GOLGA6L2: variants seen among roughly 807,000 people sequenced by gnomAD.
GOLGA6L2 encodes golgin subfamily A member 6-like protein 2.
GOLGA6L2 carries 30 observed loss-of-function variants against 35.9 expected under a neutral mutation model. The ratio of observed to expected loss-of-function variants is 0.83; its 90% CI spans 0.62 to 1.13. The LOEUF (loss-of-function observed/expected upper bound fraction) is 1.13, where lower values mean the gene tolerates loss of function less well. Among genes scored for constraint, GOLGA6L2 ranks in the 50% most tolerant of loss-of-function variants. The probability of loss-of-function intolerance (pLI) is 0.00; values close to 1 mark genes in which losing one functional copy is unlikely to be tolerated. For synonymous variants in GOLGA6L2, 297 were observed against 344.0 expected, an observed-to-expected ratio of 0.86 and a Z score of 1.51; for missense variants, 821 against 973.4, an observed-to-expected ratio of 0.84 and a Z score of 2.08.
At position 23,439,464 on chromosome 15, in the gene GOLGA6L2, T is replaced by TC; in HGVS notation, c.*280dup. On this transcript the variant is annotated 3_prime_UTR_variant, in exon 8 of 8. Coordinates refer to ENST00000567107, the MANE Select transcript of GOLGA6L2 (RefSeq NM_001304388.2). ...TTTCTTTTCTTTTTTTTTTTTTTTTTCAAGTTTGTGCTCAGACTATATTCA... is the reference window on the plus strand; with the variant it reads ...TTTCTTTTCTTTTTTTTTTTTTTTTTCCAAGTTTGTGCTCAGACTATATTCA... The TC allele has an allele frequency of 1.3e-5, 8 of 639,654 alleles. No individual in the cohort carries two copies. The South Asian group carries it at 2.0e-4, about 16-fold the overall frequency. The allele number at this position is 639,654 out of a possible 1,614,324, so 39.6% of individuals were successfully genotyped here.
chr15:23,439,780 T>C lies in GOLGA6L2; in HGVS notation c.2695A>G (p.Arg899Gly). Residue 899 changes from arginine (R) to glycine (G), a missense_variant, in exon 8 of 8, where the codon AGA becomes GGA. Physicochemically the swap from Arg to Gly is moderately radical, Grantham distance 125. This residue lies in a region of GOLGA6L2 where 48 missense variants were observed against 42.7 expected (regional missense o/e 1.12). Transcript: ENST00000567107. ...CTTTGGAGGGAGGGAGGCAGGGCTC[T>C]GAGCACCGCTCCTCGTGCTCTGGCA... ...EAARARGAVL[R>G]ALPPSLQSSL The C allele has an allele frequency of 6.5e-7, 1 of 1,535,696 alleles. No individual in the cohort carries two copies. The highest frequency in any genetic ancestry group is 8.7e-7 in the Non-Finnish European group (1 of 1,146,672).
intron 5 of GOLGA6L2, 32 bp downstream of exon 5, chr15:23,443,745 T>C: frequency 1.3e-6 from 2 of 1,498,950 alleles, no homozygotes; most frequent in Non-Finnish European, 1.8e-6. Context: ...GAAGCTGGGA[T>C]CCCAGGAGAC....
Position 23,439,450 on chromosome 15 carries a change from T to G in GOLGA6L2, c.*295A>C. On this transcript the variant is annotated 3_prime_UTR_variant, in exon 8 of 8. Coordinates refer to ENST00000567107, the MANE Select transcript of GOLGA6L2 (RefSeq NM_001304388.2). ...AATTTAAAGTAAATTTTCTTTTCTT[T>G]TTTTTTTTTTTTTTCAAGTTTGTGC... 1.7e-6 allele frequency: 1 copy of G among 603,230 alleles called. No individual in the cohort carries two copies. The highest frequency in any genetic ancestry group is 2.5e-5 in the South Asian group (1 of 39,544). 37.4% of individuals were successfully genotyped at this position (603,230 alleles called of 1,614,324 possible).
rs1440949358 is a variant in GOLGA6L2 at position 23,439,095 on chromosome 15, A to C, written c.*650T>G. The stretch of plus-strand genomic sequence containing the variant: ...TAAAACAAAACAAGACTAAATGAGA[A>C]AGACCAAGAAGAAAAACAATAGAAA... On this transcript the variant is annotated 3_prime_UTR_variant, in exon 8 of 8. Transcript: ENST00000567107. 6.6e-6 allele frequency among the ~76,000 whole-genome samples: 1 copy of C among 151,924 alleles called. No individual in the cohort carries two copies. Among genetic ancestry groups the C allele is most frequent in the African/African-American group, 2.4e-5 (1 of 41,408 alleles).
chr15:23,443,402 G>A (rs1432796457), intron 5 of GOLGA6L2, among the ~76,000 whole-genome samples: 4 of 126,836 alleles, frequency 3.2e-5, no homozygotes, highest in East Asian at 2.4e-4. Context: ...ACACACACAC[G>A]CACATGCACA....
chr15:23,441,728 A>G (rs1455938733), intron 7 of GOLGA6L2, 46 bp from the exon 8 acceptor site: 1 of 1,436,174 alleles, frequency 7.0e-7, no homozygotes, highest in East Asian at 2.5e-5. Flanking sequence ...AATGTAATCT[A>G]TAAAATAACA....
rs565521161 is a variant in GOLGA6L2, at chr15:23,439,788, G to T, written c.2687C>A (p.Ala896Glu). 1 of 1,533,114 alleles carries T rather than the reference G, an allele frequency of 6.5e-7. No individual in the cohort carries two copies. The highest frequency in any genetic ancestry group is 8.7e-7 in the Non-Finnish European group (1 of 1,145,862). 95.0% of individuals were successfully genotyped at this position (1,533,114 alleles called of 1,614,324 possible). The change falls in exon 8 of 8, where the codon GCG becomes GAG. Residue 896 changes from alanine (A) to glutamate (E), a missense_variant. Physicochemically the swap from Ala to Glu is moderately radical, Grantham distance 107. Transcript: ENST00000567107. The part of the protein sequence containing the change: ...DAGEAARARG[A>E]VLRALPPSLQ... ...GGAGGGAGGCAGGGCTCTGAGCACC[G>T]CTCCTCGTGCTCTGGCAGCCTCTCC... is the stretch of plus-strand genomic sequence containing the variant.
In GOLGA6L2 at chr15:23,447,220, C is replaced by A; in HGVS notation, c.-39G>T. The A allele has an allele frequency of 8.8e-7, 1 of 1,137,614 alleles. No individual in the cohort carries two copies. The highest frequency in any genetic ancestry group is 1.3e-6 in the Non-Finnish European group (1 of 748,964). 70.5% of individuals were successfully genotyped at this position (1,137,614 alleles called of 1,614,324 possible). On this transcript the variant is annotated 5_prime_UTR_variant, in exon 1 of 8. Coordinates refer to ENST00000567107, the MANE Select transcript of GOLGA6L2 (RefSeq NM_001304388.2). ...ACGAGGACAAGGATACACCTCCAGT[C>A]ACGTACCACGCAGCTATGTGACTGA... is the stretch of plus-strand genomic sequence containing the variant.
chr15:23,442,833 C>A (rs1192242655), intron 5 of GOLGA6L2, among the ~76,000 whole-genome samples: 1 of 152,130 alleles, frequency 6.6e-6, no homozygotes, highest in African/African-American at 2.4e-5. Flanking sequence ...GCATGCGCTA[C>A]CACACCTGGC....
rs185114046 is a variant in GOLGA6L2 at position 23,446,108 on chromosome 15, G to A, written c.85-670C>T. On this transcript the variant is annotated intron_variant, in intron 1 of 7. Coordinates refer to ENST00000567107, the MANE Select transcript of GOLGA6L2 (RefSeq NM_001304388.2). ...GTTTCCCAAGATCTATTCCACAGAAGATGAGCAAATCTCACTTCAGAGATC... is the reference window on the plus strand; with the variant it reads ...GTTTCCCAAGATCTATTCCACAGAAAATGAGCAAATCTCACTTCAGAGATC... Among the ~76,000 whole-genome samples, 16 of 152,302 alleles carry A rather than the reference G, an allele frequency of 1.1e-4. No homozygotes were observed. In the East Asian group the frequency reaches 3.1e-3, roughly 29 times the overall value.
In GOLGA6L2 at chr15:23,439,978, C is replaced by T. The variant is rs550174527; in HGVS notation, c.2497G>A (p.Gly833Arg). Residue 833 changes from glycine (G) to arginine (R), a missense_variant, in exon 8 of 8, where the codon GGG (glycine) becomes AGG (arginine). By Grantham distance (125) the Gly-to-Arg change is moderately radical. Transcript: ENST00000567107. ...GCTCCCGCATCTTCTCCTCCTGGCC[C>T]TGCATCTTCTCCTCCTGCTCCCGCA... ...EDAGAGGEDA[G>R]PGGEDAGAGG... The T allele has an allele frequency of 5.7e-6, 4 of 697,770 alleles. No individual in the cohort carries two copies. The highest frequency in any genetic ancestry group is 3.6e-5 in the African/African-American group (2 of 55,086). The allele number at this position is 697,770 out of a possible 1,614,324, so 43.2% of individuals were successfully genotyped here. A position where few individuals can be genotyped will look rare whatever the true frequency, so the allele number is the denominator to read the frequency against.
At position 23,441,071 on chromosome 15, in the gene GOLGA6L2, C is replaced by A; in HGVS notation, c.1404G>T (p.Glu468Asp). 1 of 1,344,838 alleles carries A rather than the reference C, an allele frequency of 7.4e-7. No homozygotes were observed. Among genetic ancestry groups the A allele is most frequent in the Non-Finnish European group, 1.0e-6 (1 of 988,096 alleles). 83.3% of individuals were successfully genotyped at this position (1,344,838 alleles called of 1,614,324 possible). A position where few individuals can be genotyped will look rare whatever the true frequency, so the allele number is the denominator to read the frequency against. Reference protein sequence around the residue: ...KMREEEETMREQEEKMQKQEE... With the variant: ...KMREEEETMRDQEEKMQKQEE... The stretch of plus-strand genomic sequence containing the variant: ...CCTGCTTCTGCATCTTCTCCTCCTG[C>A]TCCCGCATCGTCTCCTCCTCTTCCC... The change falls in exon 8 of 8, where the codon GAG (glutamate) becomes GAT (aspartate). Residue 468 changes from glutamate to aspartate, a missense_variant. Physicochemically the swap from Glu to Asp is conservative, Grantham distance 45. Around this residue, in one of 7 missense-constraint regions of GOLGA6L2, gnomAD observed 614 missense variants for 632.3 expected, o/e 0.97. Coordinates refer to ENST00000567107, the MANE Select transcript of GOLGA6L2 (RefSeq NM_001304388.2).
rs1429416656 is a variant in GOLGA6L2 at position 23,441,493 on chromosome 15, T to C, written c.982A>G (p.Lys328Glu). The change falls in exon 8 of 8, where the codon AAG becomes GAG. Residue 328 changes from lysine (K) to glutamate (E), a missense_variant. Lys to Glu is a moderately conservative substitution (Grantham distance 56). Around this residue, in one of 7 missense-constraint regions of GOLGA6L2, gnomAD observed 614 missense variants for 632.3 expected, o/e 0.97. Coordinates refer to ENST00000567107, the MANE Select transcript of GOLGA6L2 (RefSeq NM_001304388.2). ...RQEKRLREQE[K>E]ELREQEKELR... ...TCCTTCTCCTGCTCCCGCAGCTCCTTCTCCTGCTCTCGCAGCCTCTTCTCC... is the reference window on the plus strand; with the variant it reads ...TCCTTCTCCTGCTCCCGCAGCTCCTCCTCCTGCTCTCGCAGCCTCTTCTCC... 35 of 1,395,352 alleles carry C rather than the reference T, an allele frequency of 2.5e-5. No homozygotes were observed. The Admixed American group carries it at 8.2e-4, about 33-fold the overall frequency. The allele number at this position is 1,395,352 out of a possible 1,614,324, so 86.4% of individuals were successfully genotyped here. A position where few individuals can be genotyped will look rare whatever the true frequency, so the allele number is the denominator to read the frequency against.
rs552566941 is a variant in GOLGA6L2 at position 23,441,169 on chromosome 15, C to T, written c.1306G>A (p.Glu436Lys). 16 of 1,534,002 alleles carry T rather than the reference C, an allele frequency of 1.0e-5. No homozygotes were observed. The East Asian group carries it at 1.5e-4, about 14-fold the overall frequency. ...MREEKKMQEQ[E>K]KKTRDQEEKM... ...TCCTCCTGGTCCCGCGTCTTCTTCT[C>T]CTGCTCCTGCATCTTCTTCTCCTCC... The change falls in exon 8 of 8, where the codon GAG (glutamate) becomes AAG (lysine). Residue 436 changes from glutamate (E) to lysine (K), a missense_variant. Transcript: ENST00000567107.
At position 23,447,168 on chromosome 15, in the gene GOLGA6L2, G is replaced by A; in HGVS notation, c.14C>T (p.Pro5Leu). 16 of 1,578,358 alleles carry A rather than the reference G, an allele frequency of 1.0e-5. No individual in the cohort carries two copies. Among genetic ancestry groups the A allele is most frequent in the Non-Finnish European group, 1.1e-5 (13 of 1,150,804 alleles). The change falls in exon 1 of 8, where the codon CCC (proline) becomes CTC (leucine). Residue 5 changes from proline to leucine, a missense_variant. This residue lies in a region of GOLGA6L2 where 48 missense variants were observed against 31.7 expected (regional missense o/e 1.51). Coordinates refer to ENST00000567107, the MANE Select transcript of GOLGA6L2 (RefSeq NM_001304388.2). ...CATCATGGGGTGGGGAGGGAGGTGG[G>A]GTTGGGGCCACATCAGCGTGATTCA... MWPQ[P>L]HLPPHPMMSE...
At position 23,446,618 on chromosome 15, in the gene GOLGA6L2, C is replaced by T. The variant is rs137934757; in HGVS notation, c.84+480G>A. 3.8e-3 allele frequency among the ~76,000 whole-genome samples: 571 copies of T among 152,164 alleles called. 3 individuals carry two copies. The highest frequency in any genetic ancestry group is 5.6e-3 in the Non-Finnish European group (382 of 67,990). On this transcript the variant is annotated intron_variant, in intron 1 of 7. Coordinates refer to ENST00000567107, the MANE Select transcript of GOLGA6L2 (RefSeq NM_001304388.2). ...GCCTCTTTGAGGTTGGGGAGGGGTT[C>T]GCAGGGTTGGGACCCAGGTCCTTGG...
chr15:23,441,637 C>CCTCCTCCTGCCTCCACAT lies in GOLGA6L2; in HGVS notation c.820_837dup (p.Met274_Glu279dup). On this transcript the variant is annotated inframe_insertion, in exon 8 of 8. Coordinates refer to ENST00000567107, the MANE Select transcript of GOLGA6L2 (RefSeq NM_001304388.2). ...ATCTTCTTTTCCTGCTCCCGTAGCT[C>CCTCCTCCTGCCTCCACAT]CTCCTCCTGCCTCCACATCTCCTCC... The CCTCCTCCTGCCTCCACAT allele has an allele frequency of 1.3e-6, 2 of 1,540,628 alleles. No homozygotes were observed. Among genetic ancestry groups the CCTCCTCCTGCCTCCACAT allele is most frequent in the Non-Finnish European group, 1.7e-6 (2 of 1,143,006 alleles).
rs1366597886 is a variant in GOLGA6L2 at position 23,439,716 on chromosome 15, C to T, written c.*29G>A. ...GAACCCTCCCCAGCCTCTCCTCCTGCAGGCTCCACACTGCCAGTGTGGCTC... is the reference window on the plus strand; with the variant it reads ...GAACCCTCCCCAGCCTCTCCTCCTGTAGGCTCCACACTGCCAGTGTGGCTC... On this transcript the variant is annotated 3_prime_UTR_variant, in exon 8 of 8. Transcript: ENST00000567107. 3.3e-6 allele frequency: 5 copies of T among 1,537,092 alleles called. No individual in the cohort carries two copies. In the South Asian group the frequency reaches 4.8e-5, roughly 15 times the overall value.
In GOLGA6L2 at chr15:23,441,040, TCTC is replaced by T. The variant is rs1484467988; in HGVS notation, c.1432_1434del (p.Glu478del). The stretch of plus-strand genomic sequence containing the variant: ...TCCTTCTCTTCCTGCTCCCACATAT[TCTC>T]CTCCTGCTTCTGCATCTTCTCCTCC... On this transcript the variant is annotated inframe_deletion, in exon 8 of 8. Transcript: ENST00000567107. 8.5e-6 allele frequency: 13 copies of T among 1,530,896 alleles called. No homozygotes were observed. In the African/African-American group the frequency reaches 1.4e-4, roughly 17 times the overall value. The allele number at this position is 1,530,896 out of a possible 1,614,324, so 94.8% of individuals were successfully genotyped here.
Sources: gnomAD v4.1 joint callset for allele counts (sites outside exome capture counted in the v4.1 genomes callset) on GRCh38, gnomAD v4.1.1 for gene constraint, gnomAD v4.1.1 regional missense constraint, MANE v1.5 for transcripts, NCBI Gene and HGNC (gene_info 2026-07-23, HGNC 2026-07-21) for gene names.